ENTREP2: variants seen among roughly 807,000 people sequenced by gnomAD.
ENTREP2 encodes the protein protein ENTREP2.
the ENTREP2 span, among the ~76,000 whole-genome samples, chr15:29,473,543 C>T: frequency 2.6e-5 from 4 of 152,286 alleles, no homozygotes; most frequent in Non-Finnish European, 5.9e-5. Context: ...TTAAACACCG[C>T]ATGAGCTAAA....
chr15:29,203,966 C>T, the ENTREP2 span, among the ~76,000 whole-genome samples: 2 of 152,210 alleles, frequency 1.3e-5, no homozygotes, highest in Non-Finnish European at 2.9e-5. Context: ...GTCTGGAAAG[C>T]ATGATTTATC....
At chr15:29,640,906 T>C in the ENTREP2 span, among the ~76,000 whole-genome samples, 1 of 152,092 alleles carries the variant, frequency 6.6e-6, no homozygotes, top group Non-Finnish European at 1.5e-5. Context: ...CTCTTATGAG[T>C]ACAGATGCAA....
chr15:29,254,585 G>A, the ENTREP2 span, among the ~76,000 whole-genome samples: 5 of 151,120 alleles, frequency 3.3e-5, no homozygotes, highest in Admixed American at 6.6e-5. Flanking sequence ...CCGGCCAGGC[G>A]CAGTGGCTCA....
the ENTREP2 span, among the ~76,000 whole-genome samples, chr15:29,219,585 A>G: frequency 7.7e-6 from 1 of 129,068 alleles, no homozygotes; most frequent in Non-Finnish European, 1.7e-5. Flanking sequence ...CCATCAGTCA[A>G]TGAGTGTACA....
At chr15:29,214,799 T>C in the ENTREP2 span, among the ~76,000 whole-genome samples, 10 of 152,188 alleles carry the variant, frequency 6.6e-5, no homozygotes, top group Non-Finnish European at 1.3e-4. Flanking sequence ...TGTACTGTGG[T>C]CTAAGTGCTT....
chr15:29,321,907 CAG>C, the ENTREP2 span, among the ~76,000 whole-genome samples: 1 of 151,848 alleles, frequency 6.6e-6, no homozygotes. Flanking sequence ...TTGATAGGTG[CAG>C]CAAACCACTA....
chr15:29,581,691 T>G, the ENTREP2 span, among the ~76,000 whole-genome samples: 7 of 151,552 alleles, frequency 4.6e-5, no homozygotes, highest in Admixed American at 3.3e-4. Context: ...GCAATTCCTA[T>G]CAAAATCCCA....
At chr15:29,601,126 T>C in the ENTREP2 span, among the ~76,000 whole-genome samples, 4 of 151,898 alleles carry the variant, frequency 2.6e-5, no homozygotes. Flanking sequence ...CTCGATCTCC[T>C]GACCTCGTGA....
At chr15:29,338,499 T>C in the ENTREP2 span, among the ~76,000 whole-genome samples, 6 of 151,300 alleles carry the variant, frequency 4.0e-5, no homozygotes, top group African/African-American at 1.2e-4. Context: ...GGTCAGCCCC[T>C]GAGAGGGCTC....
At chr15:29,491,155 A>G in the ENTREP2 span, among the ~76,000 whole-genome samples, 1 of 152,152 alleles carries the variant, frequency 6.6e-6, no homozygotes, top group Non-Finnish European at 1.5e-5. Flanking sequence ...CAGTGGCACC[A>G]GTTGGCCACT....
the ENTREP2 span, among the ~76,000 whole-genome samples, chr15:29,667,842 A>T: frequency 1.3e-5 from 2 of 152,060 alleles, no homozygotes; most frequent in African/African-American, 2.4e-5. Context: ...GCATGAAAAC[A>T]TCCTATATCC....
the ENTREP2 span, among the ~76,000 whole-genome samples, chr15:29,280,464 G>A: frequency 6.6e-6 from 1 of 152,190 alleles, no homozygotes; most frequent in South Asian, 2.1e-4. Flanking sequence ...TGGACAGAAG[G>A]AGGTACAAAG....
chr15:29,149,107 C>T, the ENTREP2 span, among the ~76,000 whole-genome samples: 1 of 152,118 alleles, frequency 6.6e-6, no homozygotes, highest in African/African-American at 2.4e-5. Context: ...GAACTCCTGA[C>T]CTCAGGTGAT....
chr15:29,590,747 G>T, the ENTREP2 span, among the ~76,000 whole-genome samples: 3 of 148,768 alleles, frequency 2.0e-5, no homozygotes, highest in Admixed American at 6.7e-5. Flanking sequence ...AAGGAGGGAA[G>T]GAAGGGAAAT....
At chr15:29,229,686 T>C in the ENTREP2 span, among the ~76,000 whole-genome samples, 1 of 152,208 alleles carries the variant, frequency 6.6e-6, no homozygotes, top group Non-Finnish European at 1.5e-5. Flanking sequence ...GCTTTGGATA[T>C]GGCATTCTTT....
chr15:29,595,217 C>T, the ENTREP2 span, among the ~76,000 whole-genome samples: 1 of 151,984 alleles, frequency 6.6e-6, no homozygotes, highest in Non-Finnish European at 1.5e-5. Flanking sequence ...CGCGCCACTA[C>T]GCTCCAGCCT....
At chr15:29,592,225 T>C in the ENTREP2 span, among the ~76,000 whole-genome samples, 2 of 152,180 alleles carry the variant, frequency 1.3e-5, no homozygotes, top group Admixed American at 1.3e-4. Context: ...GTCTGATCTT[T>C]CCAACCCATC....
chr15:29,252,271 G>A, the ENTREP2 span: 1 of 665,390 alleles, frequency 1.5e-6, no homozygotes, highest in Non-Finnish European at 2.5e-6. Context: ...AAGTGTACAT[G>A]AGAACCTAAG....
At chr15:29,480,338 CAAAAAAAAAA>C in the ENTREP2 span, among the ~76,000 whole-genome samples, 505 of 29,430 alleles carry the variant, frequency 0.017, 6 homozygotes, top group African/African-American at 0.043. Context: ...TTCACTATAG[CAAAAAAAAAA>C]AAAAAAAAAA....
Sources: gnomAD v4.1 joint callset for allele counts (sites outside exome capture counted in the v4.1 genomes callset) on GRCh38, gnomAD v4.1.1 for gene constraint, MANE v1.5 for transcripts, NCBI Gene and HGNC (gene_info 2026-07-23, HGNC 2026-07-21) for gene names.